Variants in MYO16 observed in about 807,000 individuals in gnomAD.
The protein encoded by MYO16 is unconventional myosin-XVI.
MYO16 carries 94 observed loss-of-function variants against 205.3 expected under a neutral mutation model. That is an observed-to-expected ratio of 0.46 (90% CI 0.39 to 0.54). The LOEUF is 0.54. Ranked by LOEUF, MYO16 falls within the 20% of genes least tolerant of loss-of-function variation. The pLI is 0.00. For synonymous variants in MYO16, 988 were observed against 954.0 expected, an observed-to-expected ratio of 1.04 and a Z score of -0.66; for missense variants, 2,315 against 2,387.5, an observed-to-expected ratio of 0.97 and a Z score of 0.63.
chr13:109,198,874 A>T lies in MYO16; in HGVS notation c.5416-7735A>T, dbSNP rs552029944. On this transcript the variant is annotated intron_variant, in intron 34 of 34. Transcript: ENST00000457511. ...TCAGCATTGCACAAGTAGCTTGCAT[A>T]GTTGGGTTCCATCCCAGGCATTCCG... is the stretch of plus-strand genomic sequence containing the variant. Among the ~76,000 whole-genome samples, 15 of 152,218 alleles carry T rather than the reference A, an allele frequency of 9.9e-5. No individual in the cohort carries two copies. In the South Asian group the frequency reaches 2.7e-3, roughly 27 times the overall value.
At chr13:109,020,750 A>T (rs572999654) in intron 23 of MYO16, among the ~76,000 whole-genome samples, 1 of 152,160 alleles carries the variant, frequency 6.6e-6, no homozygotes, top group Admixed American at 6.6e-5. Context: ...CTTTGACCCC[A>T]CTTAGTACAG....
chr13:108,579,018 A>C, the MYO16 span, among the ~76,000 whole-genome samples: 2 of 152,020 alleles, frequency 1.3e-5, no homozygotes, highest in African/African-American at 4.8e-5. Context: ...ATATCTTTAA[A>C]GTCTTATTAT....
intron 27 of MYO16, among the ~76,000 whole-genome samples, chr13:109,069,140 A>G (rs541213504): frequency 3.9e-5 from 6 of 152,322 alleles, no homozygotes; most frequent in South Asian, 2.1e-4. Context: ...ATATCCCTCC[A>G]TATTTGACTG....
intron 4 of MYO16, among the ~76,000 whole-genome samples, chr13:108,750,663 C>T (rs1885206315): frequency 6.6e-6 from 1 of 151,070 alleles, no homozygotes; most frequent in Non-Finnish European, 1.5e-5. Context: ...GAAAATTAGC[C>T]AAGCGTGGTG....
chr13:109,084,663 TAAG>T (rs1252012525), intron 27 of MYO16, among the ~76,000 whole-genome samples: 1 of 148,992 alleles, frequency 6.7e-6, no homozygotes, highest in Admixed American at 6.6e-5. Flanking sequence ...TTAATTATGT[TAAG>T]AAATAATATT....
chr13:108,623,825 C>T (rs1879628452), intron 1 of MYO16, among the ~76,000 whole-genome samples: 1 of 152,006 alleles, frequency 6.6e-6, no homozygotes, highest in African/African-American at 2.4e-5. Flanking sequence ...TAGGAAGAGC[C>T]TTCCCTATGA....
intron 4 of MYO16, among the ~76,000 whole-genome samples, chr13:108,729,700 A>G (rs1884460194): frequency 6.6e-6 from 1 of 152,174 alleles, no homozygotes; most frequent in Non-Finnish European, 1.5e-5. Context: ...CATTTCCTCA[A>G]TGCAAATGTC....
Position 109,104,803 on chromosome 13 carries a change from G to A in MYO16, c.3438+3916G>A, listed in dbSNP as rs989174393. 5.3e-5 allele frequency among the ~76,000 whole-genome samples: 8 copies of A among 152,180 alleles called. No homozygotes were observed. In the East Asian group the frequency reaches 7.7e-4, roughly 15 times the overall value. On this transcript the variant is annotated intron_variant, in intron 28 of 34. Transcript: ENST00000457511. Reference sequence around the variant, plus strand: ...AGATCCACACAGTTTACAGTATACCGAGTTTTGCTCACGTGCCAATTCTCA... The same window carrying A: ...AGATCCACACAGTTTACAGTATACCAAGTTTTGCTCACGTGCCAATTCTCA...
chr13:108,498,891 T>C, the MYO16 span, among the ~76,000 whole-genome samples: 532 of 152,328 alleles, frequency 3.5e-3, 19 homozygotes, highest in South Asian at 0.082. Context: ...CCATTCCACA[T>C]TGCCAATTTC....
intron 27 of MYO16, among the ~76,000 whole-genome samples, chr13:109,070,472 A>G (rs184522707): frequency 2.0e-4 from 31 of 152,196 alleles, no homozygotes; most frequent in African/African-American, 6.8e-4. Context: ...GATATCCCAT[A>G]CAAGACATAT....
At chr13:108,577,643 T>G in the MYO16 span, among the ~76,000 whole-genome samples, 1 of 152,348 alleles carries the variant, frequency 6.6e-6, no homozygotes, top group East Asian at 1.9e-4. Context: ...TAATATCTAT[T>G]CCTGAAATAG....
chr13:108,580,171 C>T, the MYO16 span, among the ~76,000 whole-genome samples: 1 of 152,122 alleles, frequency 6.6e-6, no homozygotes, highest in Admixed American at 6.5e-5. Flanking sequence ...AACACTTAAA[C>T]AGGAACATTT....
intron 22 of MYO16, among the ~76,000 whole-genome samples, chr13:109,011,498 CT>C (rs34575828): frequency 1.7e-4 from 22 of 129,942 alleles, no homozygotes; most frequent in African/African-American, 5.2e-4. Flanking sequence ...TTCTTCCTTT[CT>C]TTTTTTTTTT....
the MYO16 span, among the ~76,000 whole-genome samples, chr13:108,552,656 G>T: frequency 1.3e-5 from 2 of 151,950 alleles, no homozygotes; most frequent in African/African-American, 2.4e-5. Flanking sequence ...AAATTTATAC[G>T]TGTGTTACAG....
In MYO16 at chr13:108,808,157, A is replaced by G. The variant is rs541401703; in HGVS notation, c.867+1353A>G. Among the ~76,000 whole-genome samples, 31 of 152,258 alleles carry G rather than the reference A, an allele frequency of 2.0e-4. 1 individual carries two copies. The South Asian group carries it at 2.1e-3, about 10-fold the overall frequency. On this transcript the variant is annotated intron_variant, in intron 7 of 34. Coordinates refer to ENST00000457511, the MANE Select transcript of MYO16 (RefSeq NM_001198950.3). ...GAAATTTTATCCCTCAAGCCATCAG[A>G]TGAAGCTACTGACCTTTTTCTCAGA...
At chr13:108,729,600 A>G (rs1884456386) in intron 4 of MYO16, among the ~76,000 whole-genome samples, 1 of 152,150 alleles carries the variant, frequency 6.6e-6, no homozygotes, top group African/African-American at 2.4e-5. Flanking sequence ...TGCCAAAAGA[A>G]GCTCTTTCTT....
At position 108,844,349 on chromosome 13, in the gene MYO16, C is replaced by T. The variant is rs1226615677; in HGVS notation, c.1104C>T (p.Pro368=). The part of the protein sequence containing the change: ...DLPVLSSKLS[P]LVLPIAKQDS... Reference sequence around the variant, plus strand: ...TTGATTTTTTTTCCTGTAGCAGTCCCCTGGTGTTACCAATTGCCAAGCAAG... The same window carrying T: ...TTGATTTTTTTTCCTGTAGCAGTCCTCTGGTGTTACCAATTGCCAAGCAAG... Residue 368 remains proline (P), a synonymous_variant, in exon 10 of 35, where the codon CCC becomes CCT. Transcript: ENST00000457511. 4 of 1,611,554 alleles carry T rather than the reference C, an allele frequency of 2.5e-6. No individual in the cohort carries two copies. The highest frequency in any genetic ancestry group is 1.1e-5 in the South Asian group (1 of 90,746).
At chr13:109,093,696 C>G (rs1888690118) in intron 27 of MYO16, among the ~76,000 whole-genome samples, 1 of 152,102 alleles carries the variant, frequency 6.6e-6, no homozygotes, top group Admixed American at 6.6e-5. Context: ...ACCAGAAAAT[C>G]CGGCTGGGCC....
chr13:109,021,033 A>G (rs531365641), intron 23 of MYO16, among the ~76,000 whole-genome samples: 1 of 152,202 alleles, frequency 6.6e-6, no homozygotes. Flanking sequence ...GGCTTAAAAA[A>G]TGTGTAGATG....
Sources: gnomAD v4.1 joint callset for allele counts (sites outside exome capture counted in the v4.1 genomes callset) on GRCh38, gnomAD v4.1.1 for gene constraint, MANE v1.5 for transcripts, NCBI Gene and HGNC (gene_info 2026-07-23, HGNC 2026-07-21) for gene names.